The following PLEKHG1 variants were observed in gnomAD, a reference collection of about 807,000 sequenced individuals.
PLEKHG1 encodes pleckstrin homology domain-containing family G member 1.
In PLEKHG1, 44 loss-of-function variants were observed where a neutral mutation model predicts 100.8. That is an observed-to-expected ratio of 0.44 (90% CI 0.34 to 0.56). The LOEUF is 0.56. Ranked by LOEUF, PLEKHG1 falls within the 20% of genes least tolerant of loss-of-function variation. PLEKHG1 has a pLI of 0.01. For synonymous variants in PLEKHG1, 640 were observed against 662.5 expected, an observed-to-expected ratio of 0.97 and a Z score of 0.52; for missense variants, 1,545 against 1,720.9, an observed-to-expected ratio of 0.90 and a Z score of 1.81.
intron 2 of PLEKHG1, among the ~76,000 whole-genome samples, chr6:150,756,930 T>C (rs1356309193): frequency 6.6e-6 from 1 of 152,202 alleles, no homozygotes; most frequent in Admixed American, 6.5e-5. Flanking sequence ...AAATAAGTCA[T>C]ATAGGTAATT....
chr6:150,737,307 C>T (rs1217341050), intron 2 of PLEKHG1, among the ~76,000 whole-genome samples: 35 of 125,390 alleles, frequency 2.8e-4, no homozygotes, highest in African/African-American at 6.3e-5. Flanking sequence ...TTTTTTGAGA[C>T]GGAGTCTCGC....
intron 2 of PLEKHG1, among the ~76,000 whole-genome samples, chr6:150,645,327 G>A (rs754816765): frequency 6.6e-6 from 1 of 152,076 alleles, no homozygotes; most frequent in Non-Finnish European, 1.5e-5. Context: ...CAACTGGATC[G>A]AGGACTTACA....
At chr6:150,843,274 C>T (rs942082292) in exon 16 of PLEKHG1, 1 of 152,176 alleles carries the variant, frequency 6.6e-6, no homozygotes, top group African/African-American at 2.4e-5. Context: ...AAAAGGTCTA[C>T]ATGGCTTTAG....
At chr6:150,637,758 T>A (rs904119993) in intron 1 of PLEKHG1, among the ~76,000 whole-genome samples, 4 of 152,208 alleles carry the variant, frequency 2.6e-5, no homozygotes, top group African/African-American at 9.7e-5. Context: ...CACCACTATC[T>A]TTTTGTCATC....
chr6:150,687,614 T>C (rs1780183387), intron 3 of PLEKHG1, among the ~76,000 whole-genome samples: 1 of 152,182 alleles, frequency 6.6e-6, no homozygotes, highest in Non-Finnish European at 1.5e-5. Context: ...TGGTACTTAC[T>C]AGAAGGGAGC....
At chr6:150,682,419 G>A (rs1027623843) in intron 3 of PLEKHG1, among the ~76,000 whole-genome samples, 1 of 151,988 alleles carries the variant, frequency 6.6e-6, no homozygotes, top group African/African-American at 2.4e-5. Flanking sequence ...GGGTCATTTT[G>A]TTCCTCAAGT....
chr6:150,739,622 C>T (rs1298080926), intron 2 of PLEKHG1, among the ~76,000 whole-genome samples: 2 of 151,532 alleles, frequency 1.3e-5, no homozygotes, highest in East Asian at 3.9e-4. Flanking sequence ...GAGCCGAGAT[C>T]GTGCCATTGC....
At chr6:150,776,274 A>G (rs1350982444) in intron 3 of PLEKHG1, among the ~76,000 whole-genome samples, 1 of 152,300 alleles carries the variant, frequency 6.6e-6, no homozygotes, top group Non-Finnish European at 1.5e-5. Flanking sequence ...AAAAGATCCA[A>G]ATCCTGAAGG....
At chr6:150,665,366 C>A (rs1779354530) in intron 3 of PLEKHG1, among the ~76,000 whole-genome samples, 1 of 152,214 alleles carries the variant, frequency 6.6e-6, no homozygotes, top group South Asian at 2.1e-4. Flanking sequence ...TGTCGTGGCT[C>A]ACGCCTGTAA....
chr6:150,804,605 T>G lies in PLEKHG1; in HGVS notation c.781-5T>G. The G allele has an allele frequency of 1.3e-6, 2 of 1,578,142 alleles. No homozygotes were observed. Among genetic ancestry groups the G allele is most frequent in the Non-Finnish European group, 1.7e-6 (2 of 1,169,102 alleles). On this transcript the variant is annotated splice_polypyrimidine_tract_variant and splice_region_variant and intron_variant, in intron 6 of 15. Coordinates refer to ENST00000358517, the Ensembl canonical transcript of PLEKHG1. ...AAAAAAAACCCTCGTTCTTTTTTGT[T>G]TAAGGAAATAGAAAACCACCTTGAT...
chr6:150,691,790 C>T (rs991798666), intron 3 of PLEKHG1, among the ~76,000 whole-genome samples: 1 of 152,220 alleles, frequency 6.6e-6, no homozygotes, highest in African/African-American at 2.4e-5. Flanking sequence ...TCTTTTTCAA[C>T]AATGATGTTA....
At chr6:150,608,866 G>A (rs934333961) in intron 1 of PLEKHG1, among the ~76,000 whole-genome samples, 1 of 152,174 alleles carries the variant, frequency 6.6e-6, no homozygotes, top group African/African-American at 2.4e-5. Context: ...GGGATAAGAT[G>A]ATACAGTAAA....
intron 3 of PLEKHG1, among the ~76,000 whole-genome samples, chr6:150,657,478 T>C (rs567285602): frequency 1.9e-4 from 29 of 152,232 alleles, no homozygotes; most frequent in Non-Finnish European, 2.9e-4. Context: ...GTCAAAATTG[T>C]TTAATTGTTA....
chr6:150,685,816 A>C (rs891284892), intron 3 of PLEKHG1, among the ~76,000 whole-genome samples: 2 of 152,180 alleles, frequency 1.3e-5, no homozygotes, highest in Non-Finnish European at 2.9e-5. Flanking sequence ...TCTTGATCTT[A>C]TTAAATTAAA....
chr6:150,830,488 G>C (rs998429911), intron 14 of PLEKHG1, 94 bp from the exon 16 acceptor site: 5 of 850,330 alleles, frequency 5.9e-6, no homozygotes, highest in East Asian at 5.0e-5. Context: ...AAAGCCTAGT[G>C]GGGGAGGCAG....
intron 4 of PLEKHG1, among the ~76,000 whole-genome samples, chr6:150,788,886 C>G (rs549164130): frequency 6.6e-6 from 1 of 152,214 alleles, no homozygotes; most frequent in Non-Finnish European, 1.5e-5. Flanking sequence ...TACACACACA[C>G]ACATGCACAC....
intron 14 of PLEKHG1, among the ~76,000 whole-genome samples, chr6:150,828,648 A>G (rs1024300748): frequency 2.0e-5 from 3 of 152,138 alleles, no homozygotes; most frequent in Non-Finnish European, 2.9e-5. Flanking sequence ...AATATTAACA[A>G]TTCAGGTTTC....
intron 3 of PLEKHG1, among the ~76,000 whole-genome samples, chr6:150,666,598 C>A (rs1261662994): frequency 6.6e-6 from 1 of 152,128 alleles, no homozygotes; most frequent in East Asian, 1.9e-4. Flanking sequence ...ACAGAAAAGA[C>A]CTACTCCTAA....
At chr6:150,602,261 G>A (rs1776387951) in intron 1 of PLEKHG1, among the ~76,000 whole-genome samples, 1 of 152,142 alleles carries the variant, frequency 6.6e-6, no homozygotes, top group Admixed American at 6.5e-5. Context: ...TTTCATTGCT[G>A]GTGGTTGGTC....
Sources: gnomAD v4.1 joint callset for allele counts (sites outside exome capture counted in the v4.1 genomes callset) on GRCh38, gnomAD v4.1.1 for gene constraint, MANE v1.5 for transcripts, NCBI Gene and HGNC (gene_info 2026-07-23, HGNC 2026-07-21) for gene names.